TIMELESS: variants seen among roughly 807,000 people sequenced by gnomAD.
The protein encoded by TIMELESS is timeless circadian regulator.
A neutral mutation model predicts 164.3 loss-of-function variants in TIMELESS; 124 were observed. The observed-to-expected ratio is 0.75, with a 90% CI of 0.65 to 0.88. TIMELESS has a LOEUF of 0.88. TIMELESS is among the 40% of genes least tolerant of loss of function. The pLI is 0.00. For synonymous variants in TIMELESS, 564 were observed against 563.4 expected (o/e 1.00, Z -0.02); for missense variants, 1,422 against 1,491.4 (o/e 0.95, Z 0.77).
chr12:56,422,595 C>T (rs993417022), intron 19 of TIMELESS, among the ~76,000 whole-genome samples: 1 of 152,204 alleles, frequency 6.6e-6, no homozygotes, highest in African/African-American at 2.4e-5. Context: ...CAGCTCCCAA[C>T]AGTGACTACC....
In TIMELESS at chr12:56,418,315, G is replaced by A. The variant is rs1881340065; in HGVS notation, c.3273C>T (p.Leu1091=). Reference sequence around the variant, plus strand: ...GACTCAAAGAAGCTGCTGCCCTCCGGAGCTGGGTAGGACTCAGCTTGGCTG... The same window carrying A: ...GACTCAAAGAAGCTGCTGCCCTCCGAAGCTGGGTAGGACTCAGCTTGGCTG... ...RIPAKLSPTQ[L]RRAAASLSQP... Residue 1091 remains leucine, a synonymous_variant, in exon 27 of 29, where the codon CTC becomes CTT. Coordinates refer to ENST00000553532, the MANE Select transcript of TIMELESS (RefSeq NM_003920.5). 1 of 1,613,900 alleles carries A rather than the reference G, an allele frequency of 6.2e-7. No individual in the cohort carries two copies. The highest frequency in any genetic ancestry group is 1.7e-5 in the Admixed American group (1 of 59,964).
At chr12:56,448,868 G>A (rs1868452578) in intron 1 of TIMELESS, among the ~76,000 whole-genome samples, 1 of 152,244 alleles carries the variant, frequency 6.6e-6, no homozygotes, top group South Asian at 2.1e-4. Context: ...AAGGGAGGGA[G>A]TGAGAAATCC....
At chr12:56,447,013 A>C (rs12308260) in intron 1 of TIMELESS, among the ~76,000 whole-genome samples, 35 of 139,444 alleles carry the variant, frequency 2.5e-4, no homozygotes, top group Non-Finnish European at 6.3e-5. Flanking sequence ...AATTCTTTTT[A>C]TTTTTTTTTT....
At chr12:56,424,740 G>C in intron 15 of TIMELESS, 22 bp downstream of exon 15, 4 of 1,610,266 alleles carry the variant, frequency 2.5e-6, no homozygotes, top group Non-Finnish European at 3.4e-6. Flanking sequence ...AGCCCAAGAG[G>C]ATGAGCAGGC....
At position 56,434,125 on chromosome 12, in the gene TIMELESS, C is replaced by T. The variant is rs1253456897; in HGVS notation, c.46G>A (p.Ala16Thr). 3.7e-6 allele frequency: 6 copies of T among 1,614,068 alleles called. No individual in the cohort carries two copies. In the Admixed American group the frequency reaches 5.0e-5, roughly 13 times the overall value. Residue 16 changes from alanine to threonine, a missense_variant, in exon 2 of 29, where the codon GCC becomes ACC. Coordinates refer to ENST00000553532, the MANE Select transcript of TIMELESS (RefSeq NM_003920.5). ...GTGTCTCCCTCCAAGTACCCAAGGG[C>T]ACTACATGTGGCTAGAAGTTCACAG... ...MNCELLATCS[A>T]LGYLEGDTYH...
intron 26 of TIMELESS, among the ~76,000 whole-genome samples, chr12:56,420,048 A>ATATGTGTGTGTGTG (rs1473074484): frequency 1.1e-4 from 10 of 87,322 alleles, no homozygotes; most frequent in African/African-American, 5.0e-4. Context: ...ATATATATAT[A>ATATGTGTGTGTGTG]TGTGTGTGTG....
intron 13 of TIMELESS, among the ~76,000 whole-genome samples, chr12:56,425,936 C>A (rs1319568922): frequency 6.6e-6 from 1 of 151,884 alleles, no homozygotes; most frequent in African/African-American, 2.4e-5. Flanking sequence ...AGTCAATACC[C>A]AAATCCTGCT....
chr12:56,438,777 C>CAAAAAA (rs34222190), intron 1 of TIMELESS, among the ~76,000 whole-genome samples: 9 of 48,476 alleles, frequency 1.9e-4, no homozygotes, highest in African/African-American at 2.0e-4. Flanking sequence ...AGCTCTGTCT[C>CAAAAAA]AAAAAAAAAA....
At chr12:56,445,481 G>A (rs1592259419) in intron 1 of TIMELESS, among the ~76,000 whole-genome samples, 2 of 126,282 alleles carry the variant, frequency 1.6e-5, no homozygotes, top group South Asian at 2.6e-4. Context: ...GCTCATGCCT[G>A]TAATCCCAGC....
chr12:56,437,619 GAGCAAGA>G (rs1023066158), intron 1 of TIMELESS, among the ~76,000 whole-genome samples: 6 of 152,028 alleles, frequency 3.9e-5, no homozygotes, highest in Non-Finnish European at 7.4e-5. Flanking sequence ...AGGGGTAGGT[GAGCAAGA>G]AGCAAGATAA....
chr12:56,446,613 C>T (rs1310642292), intron 1 of TIMELESS, among the ~76,000 whole-genome samples: 1 of 152,018 alleles, frequency 6.6e-6, no homozygotes. Flanking sequence ...GATGGATCGC[C>T]TGAGGTCAGG....
intron 26 of TIMELESS, among the ~76,000 whole-genome samples, chr12:56,418,880 G>GAATAAATA (rs139744806): frequency 1.3e-5 from 2 of 150,188 alleles, no homozygotes; most frequent in African/African-American, 4.9e-5. Context: ...GTTGTCAATT[G>GAATAAATA]AATAAATAAA....
chr12:56,433,839 T>C lies in TIMELESS; in HGVS notation c.185A>G (p.Gln62Arg). The change falls in exon 3 of 29, where the codon CAG becomes CGG. Residue 62 changes from glutamine (Q) to arginine (R), a missense_variant. Gln to Arg is a conservative substitution (Grantham distance 43, BLOSUM62 1). Transcript: ENST00000553532. ...GGTGAGGATGGGCAGAAGGTCGCTC[T>C]GTAGGATCTGGGCTGCCCCCAGCTG... ...RQQLGAAQIL[Q>R]SDLLPILTQH... The C allele has an allele frequency of 6.2e-7, 1 of 1,614,174 alleles. No homozygotes were observed. The highest frequency in any genetic ancestry group is 8.5e-7 in the Non-Finnish European group (1 of 1,180,028).
Position 56,417,159 on chromosome 12 carries a change from C to A in TIMELESS, c.*557G>T, listed in dbSNP as rs1472876263. On this transcript the variant is annotated 3_prime_UTR_variant, in exon 29 of 29. Coordinates refer to ENST00000553532, the MANE Select transcript of TIMELESS (RefSeq NM_003920.5). ...AATCTTACATGTTTAATACCAAACA[C>A]AAAGCAAACACATTCATCATCTAGA... is the stretch of plus-strand genomic sequence containing the variant. 6.5e-6 allele frequency: 1 copy of A among 154,546 alleles called. No individual in the cohort carries two copies. Among genetic ancestry groups the A allele is most frequent in the Non-Finnish European group, 1.4e-5 (1 of 69,624 alleles). The allele number at this position is 154,546 out of a possible 1,614,324, so 9.6% of individuals were successfully genotyped here. A position where few individuals can be genotyped will look rare whatever the true frequency, so the allele number is the denominator to read the frequency against.
At position 56,433,205 on chromosome 12, in the gene TIMELESS, T is replaced by C. The variant is rs188322209; in HGVS notation, c.430-78A>G. ...GTACTCTGGCTGGAAGACCCAGGCA[T>C]AGAAGAGAAGCAGGATTAAAAAGAA... On this transcript the variant is annotated intron_variant, in intron 5 of 28. Transcript: ENST00000553532. 5.6e-4 allele frequency: 823 copies of C among 1,467,868 alleles called. 1 individual carries two copies. The highest frequency in any genetic ancestry group is 7.4e-4 in the Non-Finnish European group (772 of 1,049,336). The allele number at this position is 1,467,868 out of a possible 1,614,324, so 90.9% of individuals were successfully genotyped here.
intron 22 of TIMELESS, 85 bp from the exon 23 acceptor site, chr12:56,421,578 C>G: frequency 6.5e-7 from 1 of 1,542,802 alleles, no homozygotes; most frequent in East Asian, 2.3e-5. Context: ...AAAGAGGGTA[C>G]CTCAATTCAT....
chr12:56,429,179 G>A, intron 10 of TIMELESS, 79 bp from the exon 11 acceptor site: 3 of 1,310,616 alleles, frequency 2.3e-6, no homozygotes, highest in Non-Finnish European at 3.1e-6. Context: ...TATGATGATG[G>A]AATGGATGCT....
At chr12:56,434,570 C>A (rs1882008150) in intron 1 of TIMELESS, among the ~76,000 whole-genome samples, 1 of 151,978 alleles carries the variant, frequency 6.6e-6, no homozygotes, top group Non-Finnish European at 1.5e-5. Flanking sequence ...AAACCCTGTC[C>A]CTACTAAAAA....
At position 56,448,427 on chromosome 12, in the gene TIMELESS, A is replaced by C. The variant is rs185347493; in HGVS notation, c.-62+883T>G. ...TCTCAAAAACAAAACAAAACAAAAC[A>C]ACCAAAAAAAACAAACAGGCCAGGC... On this transcript the variant is annotated intron_variant, in intron 1 of 28. Transcript: ENST00000553532. Among the ~76,000 whole-genome samples, 682 of 142,426 alleles carry C rather than the reference A, an allele frequency of 4.8e-3. 4 individuals are homozygous for C. Among genetic ancestry groups the C allele is most frequent in the African/African-American group, 0.016 (603 of 38,016 alleles). 93.4% of individuals were successfully genotyped at this position (142,426 alleles called of 152,430 possible).
Sources: allele counts gnomAD v4.1 joint callset (sites outside exome capture counted in the v4.1 genomes callset), GRCh38; gene constraint gnomAD v4.1.1; transcripts MANE v1.5; gene names NCBI Gene and HGNC (gene_info 2026-07-23, HGNC 2026-07-21).